The following MLLT3 variants were observed in gnomAD, a reference collection of about 807,000 sequenced individuals.
The protein encoded by MLLT3 is protein AF-9.
A neutral mutation model predicts 53.2 loss-of-function variants in MLLT3; 4 were observed. That is an observed-to-expected ratio of 0.08 (90% CI 0.04 to 0.17). The LOEUF (loss-of-function observed/expected upper bound fraction) is 0.17, where lower values mean the gene tolerates loss of function less well. Ranked by LOEUF, MLLT3 falls within the 10% of genes least tolerant of loss-of-function variation. The pLI is 1.00. For missense variants in MLLT3, 569 were observed against 684.0 expected, an observed-to-expected ratio of 0.83 and a Z score of 1.87; for synonymous variants, 283 against 230.6, an observed-to-expected ratio of 1.23 and a Z score of -2.06.
chr9:20,361,638 T>G (rs1821324885), intron 7 of MLLT3, among the ~76,000 whole-genome samples: 1 of 152,194 alleles, frequency 6.6e-6, no homozygotes, highest in African/African-American at 2.4e-5. Context: ...TTTTAAAAAT[T>G]AAAGAACTAA....
chr9:20,590,343 A>C (rs1820096872), intron 2 of MLLT3, among the ~76,000 whole-genome samples: 1 of 152,168 alleles, frequency 6.6e-6, no homozygotes, highest in South Asian at 2.1e-4. Flanking sequence ...TATGGGTTGC[A>C]TGTGTCCCCT....
intron 4 of MLLT3, among the ~76,000 whole-genome samples, chr9:20,418,903 C>T (rs1822942200): frequency 6.6e-6 from 1 of 152,150 alleles, no homozygotes; most frequent in Admixed American, 6.5e-5. Flanking sequence ...AAGGAAGGCA[C>T]AGAATCCTCT....
At position 20,603,379 on chromosome 9, in the gene MLLT3, A is replaced by C. The variant is rs183201510; in HGVS notation, c.193+17275T>G. On this transcript the variant is annotated intron_variant, in intron 2 of 10. Transcript: ENST00000380338. ...AATCTGGCACCCGCAACTTAGTACT[A>C]AATTTCCTCAAAATAATGTGATTAT... Among the ~76,000 whole-genome samples the C allele has an allele frequency of 7.2e-5, 11 of 152,172 alleles. No individual in the cohort carries two copies. The East Asian group carries it at 2.1e-3, about 29-fold the overall frequency.
chr9:20,510,633 A>AG (rs71334531), intron 2 of MLLT3, among the ~76,000 whole-genome samples: 1 of 141,652 alleles, frequency 7.1e-6, no homozygotes, highest in African/African-American at 2.6e-5. Flanking sequence ...AAAAAAAAAA[A>AG]GATCCATTTT....
At chr9:20,379,768 T>C (rs1219957153) in intron 5 of MLLT3, among the ~76,000 whole-genome samples, 1 of 152,016 alleles carries the variant, frequency 6.6e-6, no homozygotes, top group Non-Finnish European at 1.5e-5. Context: ...TCTTAACAAG[T>C]AAGTAGATCT....
Position 20,345,739 on chromosome 9 carries a change from G to A in MLLT3, c.*704C>T, listed in dbSNP as rs1050137134. 2.3e-5 allele frequency: 5 copies of A among 220,076 alleles called. No homozygotes were observed. Among genetic ancestry groups the A allele is most frequent in the East Asian group, 2.0e-4 (3 of 15,028 alleles). 13.6% of individuals were successfully genotyped at this position (220,076 alleles called of 1,614,324 possible). Reference sequence around the variant, plus strand: ...AGATCATTACATGGATACAGCCAAGGACTGGGCCCCAACTTTCAGGAAAAA... The same window carrying A: ...AGATCATTACATGGATACAGCCAAGAACTGGGCCCCAACTTTCAGGAAAAA... On this transcript the variant is annotated 3_prime_UTR_variant, in exon 11 of 11. Transcript: ENST00000380338.
intron 2 of MLLT3, among the ~76,000 whole-genome samples, chr9:20,518,003 C>T (rs949293424): frequency 2.6e-5 from 4 of 152,058 alleles, no homozygotes; most frequent in African/African-American, 7.2e-5. Context: ...AATAGTATAA[C>T]CAAAAGAATA....
At chr9:20,605,406 T>C (rs963174600) in intron 2 of MLLT3, among the ~76,000 whole-genome samples, 3 of 151,998 alleles carry the variant, frequency 2.0e-5, no homozygotes, top group Admixed American at 6.6e-5. Flanking sequence ...ATAAATCAAG[T>C]GTCTGAAGAA....
intron 2 of MLLT3, among the ~76,000 whole-genome samples, chr9:20,589,070 C>G: frequency 6.6e-6 from 1 of 150,924 alleles, no homozygotes; most frequent in East Asian, 1.9e-4. Flanking sequence ...TTTGACCCAG[C>G]CATCCCATTA....
intron 4 of MLLT3, among the ~76,000 whole-genome samples, chr9:20,427,418 C>T (rs986966077): frequency 6.0e-5 from 9 of 151,212 alleles, no homozygotes; most frequent in Admixed American, 5.9e-4. Context: ...AATAAACTGC[C>T]ATAATACAAA....
At chr9:20,433,475 A>G (rs1253374552) in intron 4 of MLLT3, among the ~76,000 whole-genome samples, 1 of 152,150 alleles carries the variant, frequency 6.6e-6, no homozygotes, top group East Asian at 1.9e-4. Flanking sequence ...ACACTTATTA[A>G]TTACAGAGAG....
intron 2 of MLLT3, among the ~76,000 whole-genome samples, chr9:20,578,708 G>T (rs1819716135): frequency 6.6e-6 from 1 of 151,848 alleles, no homozygotes; most frequent in Admixed American, 6.6e-5. Flanking sequence ...TTTAAAATAT[G>T]ATCAATTACT....
At chr9:20,403,903 C>G (rs1822517288) in intron 5 of MLLT3, among the ~76,000 whole-genome samples, 2 of 152,126 alleles carry the variant, frequency 1.3e-5, no homozygotes, top group African/African-American at 4.8e-5. Flanking sequence ...ACTGCAGCCT[C>G]AACTTACTGG....
chr9:20,470,172 A>G (rs12379192), intron 2 of MLLT3, among the ~76,000 whole-genome samples: 114,127 of 151,836 alleles, frequency 0.75, 43,034 homozygotes, highest in East Asian at 0.82. Flanking sequence ...TATACTTCTC[A>G]CTGTGTACAC....
intron 2 of MLLT3, among the ~76,000 whole-genome samples, chr9:20,508,467 A>G (rs565441551): frequency 6.6e-6 from 1 of 152,328 alleles, no homozygotes; most frequent in East Asian, 1.9e-4. Flanking sequence ...GACCTAAAGC[A>G]GAAGAAATTC....
chr9:20,498,227 CAAAAAAAAAAAAAAAAAAA>C lies in MLLT3; in HGVS notation c.194-41460_194-41442del, dbSNP rs529049653. On this transcript the variant is annotated intron_variant, in intron 2 of 10. Transcript: ENST00000380338. ...TAGGTGACAGAGCGAGACGCTGTCT[CAAAAAAAAAAAAAAAAAAA>C]AAAAAAAAAAAAAAAAAAAAGTTCT... 2.6e-3 allele frequency among the ~76,000 whole-genome samples: 84 copies of C among 32,518 alleles called. No individual in the cohort carries two copies. In the South Asian group the frequency reaches 0.062, roughly 24 times the overall value. 21.3% of individuals were successfully genotyped at this position (32,518 alleles called of 152,430 possible). A position where few individuals can be genotyped will look rare whatever the true frequency, so the allele number is the denominator to read the frequency against.
At chr9:20,475,035 C>G (rs902349433) in intron 2 of MLLT3, among the ~76,000 whole-genome samples, 56 of 152,104 alleles carry the variant, frequency 3.7e-4, no homozygotes, top group African/African-American at 1.3e-3. Context: ...CTACTTGACA[C>G]TATAAAGTAA....
chr9:20,485,628 T>C (rs1824790846), intron 2 of MLLT3, among the ~76,000 whole-genome samples: 2 of 152,228 alleles, frequency 1.3e-5, no homozygotes, highest in African/African-American at 4.8e-5. Context: ...CCAAGATGTT[T>C]TAAATCACAT....
chr9:20,383,448 C>T (rs1821952162), intron 5 of MLLT3, among the ~76,000 whole-genome samples: 1 of 151,858 alleles, frequency 6.6e-6, no homozygotes, highest in Non-Finnish European at 1.5e-5. Context: ...CTCAGTTCCA[C>T]CACTTTCTAG....
Sources: allele counts gnomAD v4.1 joint callset (sites outside exome capture counted in the v4.1 genomes callset), GRCh38; gene constraint gnomAD v4.1.1; transcripts MANE v1.5; gene names NCBI Gene and HGNC (gene_info 2026-07-23, HGNC 2026-07-21).